Variants in SLC25A46 observed in about 807,000 individuals in gnomAD.
The protein encoded by SLC25A46 is solute carrier family 25 member 46.
A neutral mutation model predicts 44.6 loss-of-function variants in SLC25A46; 39 were observed. The ratio of observed to expected loss-of-function variants is 0.87; its 90% confidence interval spans 0.68 to 1.14. The LOEUF (loss-of-function observed/expected upper bound fraction) is 1.14. Ranked by LOEUF, SLC25A46 falls within the 50% of genes most tolerant of loss-of-function variation. SLC25A46 has a pLI of 0.00. For synonymous variants in SLC25A46, 202 were observed against 185.8 expected, an observed-to-expected ratio of 1.09 and a Z score of -0.71; for missense variants, 547 against 522.7, an observed-to-expected ratio of 1.05 and a Z score of -0.45.
At chr5:110,758,437 T>G (rs1004105416) in intron 7 of SLC25A46, among the ~76,000 whole-genome samples, 18 of 152,138 alleles carry the variant, frequency 1.2e-4, no homozygotes, top group Admixed American at 3.3e-4. Flanking sequence ...GATTCAAAAC[T>G]TTAGTTTTTG....
Position 110,743,776 on chromosome 5 carries a change from C to T in SLC25A46, c.373C>T (p.Arg125Cys). 6.9e-6 allele frequency: 11 copies of T among 1,604,354 alleles called. No homozygotes were observed. Among genetic ancestry groups the T allele is most frequent in the East Asian group, 2.2e-5 (1 of 44,502 alleles). The change falls in exon 3 of 8, where the codon CGC (arginine) becomes TGC (cysteine). Residue 125 changes from arginine (R) to cysteine (C), a missense_variant. Arg to Cys is a radical substitution (Grantham distance 180). Transcript: ENST00000355943. ...VLAHPCIVLR[R>C]QCQVNYHAQH... is the part of the protein sequence containing the mutation. The stretch of plus-strand genomic sequence containing the variant: ...GGCACATCCTTGCATTGTTCTACGC[C>T]GCCAATGTCAGGTAAATGTAATTTC...
Position 110,762,322 on chromosome 5 carries a change from T to C in SLC25A46, c.*540T>C, listed in dbSNP as rs1398720217. 6.5e-6 allele frequency: 1 copy of C among 153,100 alleles called. No individual in the cohort carries two copies. The highest frequency in any genetic ancestry group is 1.9e-4 in the East Asian group (1 of 5,186). The allele number at this position is 153,100 out of a possible 1,614,324, so 9.5% of individuals were successfully genotyped here. On this transcript the variant is annotated 3_prime_UTR_variant, in exon 8 of 8. Transcript: ENST00000355943. ...AGGAGTATAAATGTTTTAAATTGCA[T>C]TGTCCCTATGTAACTATCTTAATGG...
chr5:110,738,338 T>G, upstream of SLC25A46: 1 of 960,174 alleles, frequency 1.0e-6, no homozygotes, highest in Non-Finnish European at 1.3e-6. Context: ...ATACCCTGAG[T>G]GATTTAGACA....
chr5:110,744,049 A>C (rs1244455195), intron 3 of SLC25A46, among the ~76,000 whole-genome samples: 2 of 152,212 alleles, frequency 1.3e-5, no homozygotes, highest in African/African-American at 4.8e-5. Context: ...TAATTCATTA[A>C]AATAATAACA....
At chr5:110,747,293 C>T (rs1799846059) in intron 4 of SLC25A46, among the ~76,000 whole-genome samples, 1 of 152,062 alleles carries the variant, frequency 6.6e-6, no homozygotes, top group Non-Finnish European at 1.5e-5. Flanking sequence ...AAGAGGGTAG[C>T]TCTGTGTATA....
intron 5 of SLC25A46, among the ~76,000 whole-genome samples, chr5:110,752,502 T>C (rs1799990739): frequency 1.3e-5 from 2 of 152,166 alleles, no homozygotes; most frequent in African/African-American, 4.8e-5. Flanking sequence ...TTGGTTCAAC[T>C]CCAACTTAGT....
chr5:110,761,370 T>C lies in SLC25A46; in HGVS notation c.845T>C (p.Ile282Thr), dbSNP rs1800245338. The C allele has an allele frequency of 6.2e-7, 1 of 1,613,760 alleles. No homozygotes were observed. Among genetic ancestry groups the C allele is most frequent in the Non-Finnish European group, 8.5e-7 (1 of 1,179,814 alleles). Residue 282 changes from isoleucine to threonine, a missense_variant, in exon 8 of 8, where the codon ATT becomes ACT. Coordinates refer to ENST00000355943, the MANE Select transcript of SLC25A46 (RefSeq NM_138773.4). The surrounding 1 kb of genome is among the most constrained non-coding windows in gnomAD (Gnocchi z 5.3). ...GVLHYIISSV[I>T]QKFVLLILKR... is the part of the protein sequence containing the mutation. The stretch of plus-strand genomic sequence containing the variant: ...CTTCATTACATCATCAGCTCAGTTA[T>C]TCAGAAGTTTGTCCTACTAATTCTA...
intron 7 of SLC25A46, among the ~76,000 whole-genome samples, chr5:110,758,143 C>T (rs566031478): frequency 7.2e-4 from 109 of 151,980 alleles, no homozygotes; most frequent in Non-Finnish European, 1.2e-3. Context: ...ACTCTTTTTT[C>T]TTTAGATTTC....
rs527304208 is a variant in SLC25A46 at position 110,745,298 on chromosome 5, A to T, written c.385-971A>T. On this transcript the variant is annotated intron_variant, in intron 3 of 7. Transcript: ENST00000355943. ...AGACGGAGTCTCGCTCTGTTGCCCAAACTGGAGTGCAGTGGCATGATCTCG... is the reference window on the plus strand; with the variant it reads ...AGACGGAGTCTCGCTCTGTTGCCCATACTGGAGTGCAGTGGCATGATCTCG... Among the ~76,000 whole-genome samples the T allele has an allele frequency of 3.0e-4, 46 of 152,112 alleles. 1 individual carries two copies. The highest frequency in any genetic ancestry group is 1.1e-3 in the African/African-American group (46 of 41,500).
At chr5:110,752,640 C>T (rs1799994581) in intron 5 of SLC25A46, among the ~76,000 whole-genome samples, 1 of 152,090 alleles carries the variant, frequency 6.6e-6, no homozygotes, top group African/African-American at 2.4e-5. Flanking sequence ...TCCTCAAATT[C>T]AATAGATTTC....
At chr5:110,752,120 G>C (rs1430147653) in intron 5 of SLC25A46, among the ~76,000 whole-genome samples, 1 of 152,056 alleles carries the variant, frequency 6.6e-6, no homozygotes, top group Non-Finnish European at 1.5e-5. Flanking sequence ...ACATTTACTA[G>C]GTAGAACAGG....
chr5:110,744,609 C>T (rs1252409261), intron 3 of SLC25A46, among the ~76,000 whole-genome samples: 1 of 152,134 alleles, frequency 6.6e-6, no homozygotes, highest in African/African-American at 2.4e-5. Flanking sequence ...CAGCTCTTGA[C>T]GATGCATATA....
At chr5:110,750,106 A>G (rs1799925271) in intron 5 of SLC25A46, among the ~76,000 whole-genome samples, 1 of 152,118 alleles carries the variant, frequency 6.6e-6, no homozygotes. Flanking sequence ...TGAAAGCAAG[A>G]GAAACTGATA....
Position 110,739,055 on chromosome 5 carries a change from T to G in SLC25A46, c.-65T>G. 7 of 1,519,266 alleles carry G rather than the reference T, an allele frequency of 4.6e-6. No homozygotes were observed. The highest frequency in any genetic ancestry group is 6.1e-6 in the Non-Finnish European group (7 of 1,140,218). 94.1% of individuals were successfully genotyped at this position (1,519,266 alleles called of 1,614,324 possible). On this transcript the variant is annotated 5_prime_UTR_variant, in exon 1 of 8. Transcript: ENST00000355943. ...CGGCCGACGGGAAGCTGTGTGTGCT[T>G]AGGTCGTGGTGGCCCCGGTGGTGGT...
rs758693452 is a variant in SLC25A46, at chr5:110,761,694, G to C, written c.1169G>C (p.Gly390Ala). The part of the protein sequence containing the change: ...EGVFGFYKGF[G>A]AVIIQYTLHA... ...GTGTTTGGTTTTTATAAAGGGTTTG[G>C]TGCTGTTATAATACAGTACACACTG... Residue 390 changes from glycine (G) to alanine (A), a missense_variant, in exon 8 of 8, where the codon GGT becomes GCT. Physicochemically the swap from Gly to Ala is moderately conservative, Grantham distance 60. Coordinates refer to ENST00000355943, the MANE Select transcript of SLC25A46 (RefSeq NM_138773.4). This position sits in a 1 kb window ranked among gnomAD's most constrained non-coding sequence, Gnocchi z 5.3. 1 of 1,613,404 alleles carries C rather than the reference G, an allele frequency of 6.2e-7. No homozygotes were observed. The highest frequency in any genetic ancestry group is 1.7e-5 in the Admixed American group (1 of 59,910).
rs748260269 is a variant in SLC25A46, at chr5:110,761,610, T to TTAA, written c.1088_1090dup (p.Asn363dup). Reference sequence around the variant, plus strand: ...GACCTTGGCTATGAAGTGCTTCCAATTAATACACAATATGAGGGAATGAGA... The same window carrying TTAA: ...GACCTTGGCTATGAAGTGCTTCCAATTAATAATACACAATATGAGGGAATGAGA... On this transcript the variant is annotated inframe_insertion, in exon 8 of 8. Coordinates refer to ENST00000355943, the MANE Select transcript of SLC25A46 (RefSeq NM_138773.4). The surrounding 1 kb of genome is among the most constrained non-coding windows in gnomAD (Gnocchi z 5.3). 4 of 1,613,732 alleles carry TTAA rather than the reference T, an allele frequency of 2.5e-6. No individual in the cohort carries two copies. The highest frequency in any genetic ancestry group is 3.4e-6 in the Non-Finnish European group (4 of 1,179,732).
intron 4 of SLC25A46, among the ~76,000 whole-genome samples, chr5:110,747,069 T>C (rs1799840300): frequency 6.6e-6 from 1 of 152,226 alleles, no homozygotes; most frequent in Non-Finnish European, 1.5e-5. Flanking sequence ...TTGGATTGTT[T>C]GGCAATATCT....
chr5:110,752,947 T>A (rs1800004826), intron 5 of SLC25A46, among the ~76,000 whole-genome samples: 1 of 151,888 alleles, frequency 6.6e-6, no homozygotes, highest in Non-Finnish European at 1.5e-5. Context: ...GGTGGCTGGG[T>A]TAAGAAAGGT....
chr5:110,752,165 T>C (rs910553036), intron 5 of SLC25A46, among the ~76,000 whole-genome samples: 6 of 152,176 alleles, frequency 3.9e-5, no homozygotes, highest in Non-Finnish European at 5.9e-5. Context: ...TTTAGGGGTT[T>C]TTAAATACAG....
Sources: gnomAD v4.1 joint callset for allele counts (sites outside exome capture counted in the v4.1 genomes callset) on GRCh38, gnomAD v4.1.1 for gene constraint, Gnocchi (gnomAD v3.1) non-coding constraint, MANE v1.5 for transcripts, NCBI Gene and HGNC (gene_info 2026-07-23, HGNC 2026-07-21) for gene names.